The following DIP2A variants were observed in gnomAD, a reference collection of about 807,000 sequenced individuals.
The protein encoded by DIP2A is DIP2 acetate--CoA ligase A.
In DIP2A, 85 loss-of-function variants were observed where a neutral mutation model predicts 177.4. The ratio of observed to expected loss-of-function variants is 0.48; its 90% CI spans 0.40 to 0.57. The LOEUF (loss-of-function observed/expected upper bound fraction) is 0.57. Ranked by LOEUF, DIP2A falls within the 20% of genes least tolerant of loss-of-function variation. DIP2A has a pLI of 0.00. For missense variants in DIP2A, 1,791 were observed against 2,100.2 expected, an observed-to-expected ratio of 0.85 and a Z score of 2.88; for synonymous variants, 886 against 881.8, an observed-to-expected ratio of 1.00 and a Z score of -0.08.
At position 46,551,857 on chromosome 21, in the gene DIP2A, G is replaced by A; in HGVS notation, c.2983G>A (p.Ala995Thr). Reference sequence around the variant, plus strand: ...CCTGGCTGACGTGCTGCAGTGGCGTGCCCACACCACTCCTGACCACCCGCT... The same window carrying A: ...CCTGGCTGACGTGCTGCAGTGGCGTACCCACACCACTCCTGACCACCCGCT... ...LFLADVLQWR[A>T]HTTPDHPLFL... The change falls in exon 25 of 38, where the codon GCC becomes ACC. Residue 995 changes from alanine to threonine, a missense_variant. Coordinates refer to ENST00000417564, the MANE Select transcript of DIP2A (RefSeq NM_015151.4). The A allele has an allele frequency of 6.2e-7, 1 of 1,611,848 alleles. No individual in the cohort carries two copies. Among genetic ancestry groups the A allele is most frequent in the Non-Finnish European group, 8.5e-7 (1 of 1,179,080 alleles).
rs185474031 is a variant in DIP2A, at chr21:46,499,989, T to C, written c.655+1156T>C. Among the ~76,000 whole-genome samples, 492 of 152,354 alleles carry C rather than the reference T, an allele frequency of 3.2e-3. 5 individuals are homozygous for C. The highest frequency in any genetic ancestry group is 0.011 in the African/African-American group (470 of 41,578). On this transcript the variant is annotated intron_variant, in intron 5 of 37. Coordinates refer to ENST00000417564, the MANE Select transcript of DIP2A (RefSeq NM_015151.4). ...ACCTGTGACACGCTGGTGTTTGTGC[T>C]GGGGTCCCCATGGGTGCCGAGCTCT...
chr21:46,571,387 G>A (rs1486419092), downstream of DIP2A, among the ~76,000 whole-genome samples: 2 of 152,190 alleles, frequency 1.3e-5, no homozygotes, highest in African/African-American at 4.8e-5. Flanking sequence ...CCAGAAGGTA[G>A]TGGGCCAATA....
intron 2 of DIP2A, among the ~76,000 whole-genome samples, chr21:46,489,069 A>G (rs941524875): frequency 6.8e-6 from 1 of 147,978 alleles, no homozygotes; most frequent in African/African-American, 2.5e-5. Context: ...TTGTACATAT[A>G]TATACACACA....
intron 5 of DIP2A, among the ~76,000 whole-genome samples, chr21:46,503,637 C>CTTTCTTTCTTTCTT (rs1173911775): frequency 3.8e-5 from 3 of 79,282 alleles, no homozygotes; most frequent in Non-Finnish European, 7.4e-5. Flanking sequence ...TCTTTCTTTC[C>CTTTCTTTCTTTCTT]TTTCTTTCTT....
chr21:46,498,967 G>A lies in DIP2A; in HGVS notation c.655+134G>A. On this transcript the variant is annotated intron_variant, in intron 5 of 37. Transcript: ENST00000417564. This position sits in a 1 kb window ranked among gnomAD's most constrained non-coding sequence, Gnocchi z 4.3. ...AGCTGCAGGCCTGAGTGCTCTCCAAGTGACTGAGGTCACACAACCCAGATA... is the reference window on the plus strand; with the variant it reads ...AGCTGCAGGCCTGAGTGCTCTCCAAATGACTGAGGTCACACAACCCAGATA... 1 of 1,210,446 alleles carries A rather than the reference G, an allele frequency of 8.3e-7. No homozygotes were observed. Among genetic ancestry groups the A allele is most frequent in the Non-Finnish European group, 1.1e-6 (1 of 896,770 alleles). The allele number at this position is 1,210,446 out of a possible 1,614,324, so 75.0% of individuals were successfully genotyped here. A position where few individuals can be genotyped will look rare whatever the true frequency, so the allele number is the denominator to read the frequency against.
chr21:46,468,509 G>T (rs1454275836), intron 1 of DIP2A, among the ~76,000 whole-genome samples: 7 of 152,124 alleles, frequency 4.6e-5, no homozygotes, highest in Non-Finnish European at 8.8e-5. Context: ...CATAGAAGCA[G>T]AGAGTAGAAT....
intron 21 of DIP2A, among the ~76,000 whole-genome samples, chr21:46,548,364 G>C (rs572927854): frequency 2.6e-5 from 4 of 152,144 alleles, no homozygotes; most frequent in African/African-American, 9.7e-5. Context: ...CCACCCCCTC[G>C]CAGGGCCACC....
intron 20 of DIP2A, 143 bp downstream of exon 20, chr21:46,546,104 C>T: frequency 6.7e-7 from 1 of 1,497,506 alleles, no homozygotes; most frequent in Non-Finnish European, 8.9e-7. Flanking sequence ...ACCTCCCTGC[C>T]CATCACCCTA....
chr21:46,539,537 C>T (rs933056891), intron 16 of DIP2A: 2 of 366,298 alleles, frequency 5.5e-6, no homozygotes, highest in East Asian at 1.4e-4. Flanking sequence ...ACCTCCTCTC[C>T]AGTGCCTCTT....
chr21:46,509,093 G>T (rs939117273), intron 6 of DIP2A, among the ~76,000 whole-genome samples, 164 bp from the exon 7 acceptor site: 2 of 152,194 alleles, frequency 1.3e-5, no homozygotes, highest in Non-Finnish European at 2.9e-5. Context: ...TTCAGTAAGT[G>T]TTTTCTAAAT....
chr21:46,534,211 G>GT (rs1376876495), intron 12 of DIP2A, 98 bp downstream of exon 12: 2 of 1,002,784 alleles, frequency 2.0e-6, no homozygotes, highest in Non-Finnish European at 3.0e-6. Flanking sequence ...TTTTTGTTAA[G>GT]TTTCGGCCTA....
intron 2 of DIP2A, among the ~76,000 whole-genome samples, chr21:46,486,692 G>C (rs1026391037): frequency 6.6e-6 from 1 of 152,216 alleles, no homozygotes; most frequent in African/African-American, 2.4e-5. Flanking sequence ...TGTCCTGTTG[G>C]AGAGGATTCA....
intron 1 of DIP2A, chr21:46,462,521 TGGTAA>T (rs2054407839): frequency 6.6e-6 from 1 of 152,252 alleles, no homozygotes; most frequent in East Asian, 1.9e-4. Flanking sequence ...GCTTCGAAAC[TGGTAA>T]GGTGTTTTAT....
chr21:46,542,494 G>C (rs775567665), intron 18 of DIP2A, among the ~76,000 whole-genome samples: 1 of 152,244 alleles, frequency 6.6e-6, no homozygotes, highest in African/African-American at 2.4e-5. Flanking sequence ...GAAATTCCTC[G>C]ATGTCAGAAA....
In DIP2A at chr21:46,534,616, G is replaced by C; in HGVS notation, c.1571G>C (p.Gly524Ala). ...ACCAGCAAAGAAGGCAGTACGGTGGGGGTCACAGTGTCCCACGCATCCCTG... is the reference window on the plus strand; with the variant it reads ...ACCAGCAAAGAAGGCAGTACGGTGGCGGTCACAGTGTCCCACGCATCCCTG... ...YKTSKEGSTV[G>A]VTVSHASLLA... Residue 524 changes from glycine (G) to alanine (A), a missense_variant, in exon 13 of 38, where the codon GGG becomes GCG. By Grantham distance (60) the Gly-to-Ala change is moderately conservative (BLOSUM62 0). Transcript: ENST00000417564. 1 of 1,613,250 alleles carries C rather than the reference G, an allele frequency of 6.2e-7. No homozygotes were observed. Among genetic ancestry groups the C allele is most frequent in the East Asian group, 2.2e-5 (1 of 44,862 alleles).
At chr21:46,571,743 T>C (rs2060969989), downstream of DIP2A, among the ~76,000 whole-genome samples, 1 of 152,236 alleles carries the variant, frequency 6.6e-6, no homozygotes, top group Non-Finnish European at 1.5e-5. Context: ...TTTTGCACAT[T>C]GATTTTGTAT....
intron 1 of DIP2A, among the ~76,000 whole-genome samples, chr21:46,465,447 G>A (rs773793313): frequency 1.3e-5 from 2 of 152,150 alleles, no homozygotes; most frequent in Non-Finnish European, 2.9e-5. Context: ...GGTGGCACGT[G>A]CCTGTAATCC....
At position 46,498,100 on chromosome 21, in the gene DIP2A, A is replaced by G. The variant is rs1199696707; in HGVS notation, c.404-482A>G. On this transcript the variant is annotated intron_variant, in intron 4 of 37. Coordinates refer to ENST00000417564, the MANE Select transcript of DIP2A (RefSeq NM_015151.4). The surrounding 1 kb of genome is among the most constrained non-coding windows in gnomAD (Gnocchi z 4.3). ...ATGTAGACAGGGCTGCGGTTCTCCC[A>G]TGGCCACCATGTTGTTGCTGGGGCC... 6.6e-6 allele frequency among the ~76,000 whole-genome samples: 1 copy of G among 152,206 alleles called. No individual in the cohort carries two copies. The highest frequency in any genetic ancestry group is 1.5e-5 in the Non-Finnish European group (1 of 68,032).
chr21:46,536,616 T>C (rs1184735123), intron 13 of DIP2A, among the ~76,000 whole-genome samples: 1 of 152,102 alleles, frequency 6.6e-6, no homozygotes, highest in Non-Finnish European at 1.5e-5. Flanking sequence ...TGAGAAGATG[T>C]GGAGAGGCCG....
Sources: allele counts gnomAD v4.1 joint callset (sites outside exome capture counted in the v4.1 genomes callset), GRCh38; gene constraint gnomAD v4.1.1; non-coding constraint Gnocchi (gnomAD v3.1); transcripts MANE v1.5; gene names NCBI Gene and HGNC (gene_info 2026-07-23, HGNC 2026-07-21).